Variants in PI4KA observed in about 807,000 individuals in gnomAD.
The protein encoded by PI4KA is PI4-kinase alpha.
In PI4KA, 122 loss-of-function variants were observed where a neutral mutation model predicts 271.4. The ratio of observed to expected loss-of-function variants is 0.45; its 90% CI spans 0.39 to 0.52. The LOEUF (loss-of-function observed/expected upper bound fraction) is 0.52, where lower values mean the gene tolerates loss of function less well. Among genes scored for constraint, PI4KA ranks in the 20% least tolerant of loss-of-function variants. The pLI is 0.00. For synonymous variants in PI4KA, 1,041 were observed against 1,078.8 expected (o/e 0.96, Z 0.69); for missense variants, 1,969 against 2,769.1 (o/e 0.71, Z 6.48).
rs1178471598 is a variant in PI4KA at position 20,853,917 on chromosome 22, AT to A, written c.156+4652del. 4.0e-5 allele frequency among the ~76,000 whole-genome samples: 6 copies of A among 151,254 alleles called. No homozygotes were observed. In the East Asian group the frequency reaches 1.2e-3, roughly 29 times the overall value. ...TGGTGAGACCCCCATCTCTAATTAA[AT>A]AAAAAAAAAAAAGTAGATGGGATTT... On this transcript the variant is annotated intron_variant, in intron 1 of 54. Coordinates refer to ENST00000255882, the MANE Select transcript of PI4KA (RefSeq NM_058004.4).
At chr22:20,791,278 TCCTC>T (rs566278349) in intron 19 of PI4KA, among the ~76,000 whole-genome samples, 215 of 152,322 alleles carry the variant, frequency 1.4e-3, no homozygotes, top group Non-Finnish European at 2.5e-3. Flanking sequence ...GCCCTAAGCA[TCCTC>T]CCTATCTGCC....
intron 32 of PI4KA, among the ~76,000 whole-genome samples, chr22:20,734,945 G>A (rs1928534869): frequency 1.3e-5 from 2 of 152,206 alleles, no homozygotes; most frequent in African/African-American, 4.8e-5. Context: ...AAGGGCAGAA[G>A]AGGGTTCTGG....
chr22:20,842,382 G>C (rs1249417140), intron 1 of PI4KA, among the ~76,000 whole-genome samples: 2 of 152,186 alleles, frequency 1.3e-5, no homozygotes, highest in Non-Finnish European at 2.9e-5. Flanking sequence ...TTATAAACGT[G>C]TTATTCTAAC....
At position 20,751,688 on chromosome 22, in the gene PI4KA, G is replaced by A. The variant is rs1221294875; in HGVS notation, c.3055C>T (p.Leu1019=). The change falls in exon 26 of 55, where the codon CTG becomes TTG. Residue 1019 remains leucine (L), a synonymous_variant. Transcript: ENST00000255882. The stretch of plus-strand genomic sequence containing the variant: ...GGGACACTCACAGCGCTCAGTGACA[G>A]TGACAGGGTCTGCAGGATGTCCAGC... ...TMLDILQTLS[L]SLSADIHKDQ... The A allele has an allele frequency of 6.2e-7, 1 of 1,614,064 alleles. No homozygotes were observed. Among genetic ancestry groups the A allele is most frequent in the Non-Finnish European group, 8.5e-7 (1 of 1,179,900 alleles).
At chr22:20,854,970 G>A (rs890706894) in intron 1 of PI4KA, among the ~76,000 whole-genome samples, 6 of 152,000 alleles carry the variant, frequency 3.9e-5, no homozygotes, top group Non-Finnish European at 5.9e-5. Flanking sequence ...TGGCCAACAC[G>A]GCGAAACCCC....
intron 17 of PI4KA, among the ~76,000 whole-genome samples, chr22:20,796,733 G>C (rs1935009815): frequency 6.6e-6 from 1 of 152,202 alleles, no homozygotes; most frequent in African/African-American, 2.4e-5. Context: ...ACCACCCACA[G>C]AACTTTCACC....
intron 19 of PI4KA, among the ~76,000 whole-genome samples, chr22:20,775,827 A>G (rs957571042): frequency 2.6e-5 from 4 of 152,072 alleles, no homozygotes; most frequent in Admixed American, 2.0e-4. Flanking sequence ...CCAAGAAGTG[A>G]TAAGAGGAGG....
At chr22:20,757,774 C>T (rs1197404029) in intron 23 of PI4KA, among the ~76,000 whole-genome samples, 3 of 152,144 alleles carry the variant, frequency 2.0e-5, no homozygotes, top group African/African-American at 7.2e-5. Flanking sequence ...GAACTCCTGA[C>T]ATCAAGTGAT....
In PI4KA at chr22:20,808,290, C is replaced by CAA. The variant is rs998669483; in HGVS notation, c.1072-834_1072-833dup. Among the ~76,000 whole-genome samples, 17 of 90,198 alleles carry CAA rather than the reference C, an allele frequency of 1.9e-4. No individual in the cohort carries two copies. In the South Asian group the frequency reaches 4.9e-3, roughly 26 times the overall value. The allele number at this position is 90,198 out of a possible 152,430, so 59.2% of individuals were successfully genotyped here. On this transcript the variant is annotated intron_variant, in intron 9 of 54. Transcript: ENST00000255882. Reference sequence around the variant, plus strand: ...GGGCAACAAGAACAAAACTCTGTCTCAAAAAAAAAAAAAGGCTGGGTGCAG... The same window carrying CAA: ...GGGCAACAAGAACAAAACTCTGTCTCAAAAAAAAAAAAAAAGGCTGGGTGCAG...
rs200663873 is a variant in PI4KA, at chr22:20,765,145, G to A, written c.2529C>T (p.Ser843=). The A allele has an allele frequency of 4.3e-6, 7 of 1,613,886 alleles. No homozygotes were observed. The highest frequency in any genetic ancestry group is 1.7e-5 in the Admixed American group (1 of 59,996). Residue 843 remains serine, a synonymous_variant, in exon 21 of 55, where the codon TCC becomes TCT. Coordinates refer to ENST00000255882, the MANE Select transcript of PI4KA (RefSeq NM_058004.4). ...LTFPSKEPLR[S]VLQYNSAMKN... ...TCATGGCTGAGTTATACTGGAGGAC[G>A]GACCGCAGTGGCTCCTTGCTGGGAA...
At chr22:20,806,182 T>C (rs1474068758) in intron 10 of PI4KA, among the ~76,000 whole-genome samples, 1 of 152,184 alleles carries the variant, frequency 6.6e-6, no homozygotes, top group Non-Finnish European at 1.5e-5. Flanking sequence ...TTGGTATACC[T>C]TCCTGACAAA....
At chr22:20,813,235 T>C (rs1921298165) in intron 8 of PI4KA, 123 bp downstream of exon 8, 3 of 703,078 alleles carry the variant, frequency 4.3e-6, no homozygotes, top group Admixed American at 2.4e-5. Context: ...TGCAAGTTTA[T>C]GACTATTAAA....
chr22:20,798,591 C>T lies in PI4KA; in HGVS notation c.2101G>A (p.Gly701Ser). The T allele has an allele frequency of 3.8e-6, 6 of 1,597,784 alleles. No homozygotes were observed. The highest frequency in any genetic ancestry group is 1.1e-5 in the South Asian group (1 of 90,752). Reference protein sequence around the residue: ...YSATKDYKDHGYRHCSLAVIN... With the variant: ...YSATKDYKDHSYRHCSLAVIN... ...ACAATGAGGTCCAGTTACCTATAGC[C>T]GTGGTCCTTGTAATCTTTGGTGGCT... The change falls in exon 17 of 55, where the codon GGC becomes AGC. Residue 701 changes from glycine (G) to serine (S), a missense_variant. By Grantham distance (56) the Gly-to-Ser change is moderately conservative (BLOSUM62 0). Coordinates refer to ENST00000255882, the MANE Select transcript of PI4KA (RefSeq NM_058004.4).
At chr22:20,751,436 C>A in intron 26 of PI4KA, 60 bp from the exon 27 acceptor site, 2 of 1,400,342 alleles carry the variant, frequency 1.4e-6, no homozygotes, top group Non-Finnish European at 2.0e-6. Flanking sequence ...CACTAGCAAC[C>A]ACATGGGCCA....
At chr22:20,823,381 A>G (rs1922964719) in intron 4 of PI4KA, among the ~76,000 whole-genome samples, 1 of 152,228 alleles carries the variant, frequency 6.6e-6, no homozygotes, top group African/African-American at 2.4e-5. Flanking sequence ...AAATAAATGA[A>G]GAATCTAAAT....
chr22:20,780,152 T>C (rs752293104), intron 19 of PI4KA: 2 of 1,614,208 alleles, frequency 1.2e-6, no homozygotes, highest in Non-Finnish European at 1.7e-6. Context: ...CTCTGGAGAA[T>C]ATAGACCCTG....
At position 20,818,525 on chromosome 22, in the gene PI4KA, G is replaced by A; in HGVS notation, c.814C>T (p.Pro272Ser). 1.3e-6 allele frequency: 2 copies of A among 1,561,906 alleles called. No individual in the cohort carries two copies. The highest frequency in any genetic ancestry group is 1.2e-5 in the South Asian group (1 of 81,976). ...GCAGATCCTCCAGGGGAACTGGGAG[G>A]GGGCATGCCGCGTTCAGGGCTGACC... ...SQVSPERGMP[P>S]PSSPGGSAFH... Residue 272 changes from proline (P) to serine (S), a missense_variant, in exon 7 of 55, where the codon CCT becomes TCT. Around this residue, in one of 13 missense-constraint regions of PI4KA, gnomAD observed 540 missense variants for 555.5 expected, o/e 0.97. Coordinates refer to ENST00000255882, the MANE Select transcript of PI4KA (RefSeq NM_058004.4).
chr22:20,842,834 G>T (rs1450146368), intron 1 of PI4KA, among the ~76,000 whole-genome samples: 1 of 150,154 alleles, frequency 6.7e-6, no homozygotes, highest in African/African-American at 2.5e-5. Context: ...AAAAAGGCCG[G>T]GCGCAGTGGC....
At chr22:20,833,615 C>G (rs371680061) in intron 3 of PI4KA, among the ~76,000 whole-genome samples, 129 of 150,756 alleles carry the variant, frequency 8.6e-4, no homozygotes, top group African/African-American at 2.8e-3. Context: ...CCATCTTTAG[C>G]AGACTGGGAC....
Sources: gnomAD v4.1 joint callset for allele counts (sites outside exome capture counted in the v4.1 genomes callset) on GRCh38, gnomAD v4.1.1 for gene constraint, gnomAD v4.1.1 regional missense constraint, MANE v1.5 for transcripts, NCBI Gene and HGNC (gene_info 2026-07-23, HGNC 2026-07-21) for gene names.